The following ATP8B1 variants were observed in gnomAD, a reference collection of about 807,000 sequenced individuals.
ATP8B1 encodes the protein ATPase phospholipid transporting 8B1.
In ATP8B1, 80 loss-of-function variants were observed where a neutral mutation model predicts 149.9. The observed-to-expected ratio is 0.53, with a 90% CI of 0.45 to 0.64. The LOEUF (loss-of-function observed/expected upper bound fraction) is 0.64. Among genes scored for constraint, ATP8B1 ranks in the 30% least tolerant of loss-of-function variants. The probability of loss-of-function intolerance (pLI) is 0.00; values close to 1 mark genes in which losing one functional copy is unlikely to be tolerated. For synonymous variants in ATP8B1, 536 were observed against 562.8 expected (o/e 0.95, Z 0.67); for missense variants, 1,247 against 1,552.6 (o/e 0.80, Z 3.31).
chr18:57,720,900 G>A (rs962541040), intron 2 of ATP8B1, among the ~76,000 whole-genome samples: 63 of 151,202 alleles, frequency 4.2e-4, no homozygotes, highest in African/African-American at 1.4e-3. Context: ...CGGATCTCTC[G>A]GCAGAAACCC....
chr18:57,676,389 C>T (rs1911587821), intron 15 of ATP8B1, among the ~76,000 whole-genome samples: 1 of 150,714 alleles, frequency 6.6e-6, no homozygotes, highest in South Asian at 2.1e-4. Flanking sequence ...TTTTCTTTAC[C>T]ATAGCTATAT....
Position 57,701,198 on chromosome 18 carries a change from G to T in ATP8B1, c.492+17C>A. On this transcript the variant is annotated intron_variant, in intron 5 of 27. Transcript: ENST00000648908. ...AACTCAAAGCAATGAGTAGAACGTT[G>T]TATGAGAAATCCTCACCACATCGTC... 6.2e-7 allele frequency: 1 copy of T among 1,613,500 alleles called. No homozygotes were observed. The highest frequency in any genetic ancestry group is 1.3e-5 in the African/African-American group (1 of 75,036).
chr18:57,712,344 A>G (rs1913730150), intron 2 of ATP8B1, among the ~76,000 whole-genome samples: 2 of 152,068 alleles, frequency 1.3e-5, no homozygotes, highest in African/African-American at 4.8e-5. Flanking sequence ...TGGGAGAGGG[A>G]CAGTGCAGCG....
chr18:57,657,524 A>G (rs535156135), intron 22 of ATP8B1, among the ~76,000 whole-genome samples: 31 of 152,340 alleles, frequency 2.0e-4, no homozygotes, highest in African/African-American at 7.5e-4. Context: ...TACAGAACAC[A>G]AGGTCTGGCA....
chr18:57,714,401 T>C (rs1426996020), intron 2 of ATP8B1, among the ~76,000 whole-genome samples: 1 of 152,120 alleles, frequency 6.6e-6, no homozygotes, highest in Non-Finnish European at 1.5e-5. Context: ...CAACAGGGCA[T>C]TGAGGGAACA....
chr18:57,674,987 C>G lies in ATP8B1; in HGVS notation c.1666G>C (p.Gly556Arg), dbSNP rs773633682. 6.2e-7 allele frequency: 1 copy of G among 1,614,178 alleles called. No homozygotes were observed. The highest frequency in any genetic ancestry group is 1.1e-5 in the South Asian group (1 of 91,078). ...TTCCTGGCAGCGTTTACCAGGGCAC[C>G]TTCATCGGGAGAGGCTGCCTGGTAG... ...LNYQAASPDE[G>R]ALVNAARNFG... is the part of the protein sequence containing the mutation. The change falls in exon 16 of 28, where the codon GGT (glycine) becomes CGT (arginine). Residue 556 changes from glycine (G) to arginine (R), a missense_variant. Physicochemically the swap from Gly to Arg is moderately radical, Grantham distance 125. Around this residue, in one of 3 missense-constraint regions of ATP8B1, gnomAD observed 853 missense variants for 1,035.7 expected, o/e 0.82. Coordinates refer to ENST00000648908, the MANE Select transcript of ATP8B1 (RefSeq NM_001374385.1).
chr18:57,650,294 A>T (rs1432167164), intron 27 of ATP8B1, 73 bp downstream of exon 27: 16 of 1,571,080 alleles, frequency 1.0e-5, no homozygotes, highest in Non-Finnish European at 1.4e-5. Flanking sequence ...AGAATTTTGC[A>T]GGAAACGTGC....
intron 15 of ATP8B1, among the ~76,000 whole-genome samples, chr18:57,683,479 C>G (rs980127628): frequency 1.3e-5 from 2 of 152,228 alleles, no homozygotes; most frequent in Non-Finnish European, 1.5e-5. Flanking sequence ...AAGGAACCTA[C>G]AAGCCATTCT....
chr18:57,653,388 G>A (rs1002029103), intron 24 of ATP8B1, among the ~76,000 whole-genome samples: 2 of 148,800 alleles, frequency 1.3e-5, no homozygotes, highest in East Asian at 2.0e-4. Flanking sequence ...AGGCTCAAGC[G>A]ATCCTCCCAC....
At chr18:57,775,177 C>T (rs556835951) in intron 1 of ATP8B1, among the ~76,000 whole-genome samples, 4 of 152,060 alleles carry the variant, frequency 2.6e-5, no homozygotes, top group Non-Finnish European at 5.9e-5. Flanking sequence ...AGTAGTTGGG[C>T]GTGGTGGCAT....
chr18:57,783,734 G>A (rs540296662), intron 1 of ATP8B1, among the ~76,000 whole-genome samples: 119 of 152,260 alleles, frequency 7.8e-4, no homozygotes, highest in Non-Finnish European at 1.4e-3. Context: ...TACTCAGGTG[G>A]CTGAGGCAGG....
intron 1 of ATP8B1, among the ~76,000 whole-genome samples, chr18:57,798,412 C>CAA (rs71807937): frequency 0.29 from 39,416 of 134,622 alleles, 5,783 homozygotes; most frequent in East Asian, 0.54. Context: ...CCTGTCTCTA[C>CAA]AAAAAAAAAA....
At chr18:57,676,717 C>CAAAAAAAAAAAAAAAA (rs58101846) in intron 15 of ATP8B1, among the ~76,000 whole-genome samples, 5 of 92,216 alleles carry the variant, frequency 5.4e-5, no homozygotes, top group African/African-American at 1.7e-4. Context: ...GACTCCATTT[C>CAAAAAAAAAAAAAAAA]AAAAAAAAAA....
chr18:57,738,699 T>G (rs1056332231), intron 1 of ATP8B1, among the ~76,000 whole-genome samples: 1 of 151,616 alleles, frequency 6.6e-6, no homozygotes, highest in East Asian at 2.0e-4. Flanking sequence ...CCTCAAATAC[T>G]CCTCCAATTC....
intron 1 of ATP8B1, among the ~76,000 whole-genome samples, chr18:57,758,074 A>T (rs1017581441): frequency 6.6e-6 from 1 of 152,020 alleles, no homozygotes; most frequent in African/African-American, 2.4e-5. Context: ...AGGCGGGAGG[A>T]TCATTTGGTC....
intron 2 of ATP8B1, among the ~76,000 whole-genome samples, chr18:57,709,322 T>G (rs319407): frequency 0.51 from 76,808 of 152,080 alleles, 20,224 homozygotes; most frequent in African/African-American, 0.56. Context: ...TGGATTTGCT[T>G]GTACATTAAA....
intron 22 of ATP8B1, chr18:57,659,599 A>G (rs1250355990): frequency 6.6e-6 from 1 of 151,928 alleles, no homozygotes; most frequent in African/African-American, 2.4e-5. Flanking sequence ...TATGGAGGAA[A>G]GAGATAGATC....
intron 1 of ATP8B1, among the ~76,000 whole-genome samples, chr18:57,782,651 A>G (rs536353100): frequency 2.6e-4 from 40 of 152,230 alleles, no homozygotes; most frequent in African/African-American, 8.9e-4. Flanking sequence ...ACAGACAAAA[A>G]ATTCTTCAGT....
In ATP8B1 at chr18:57,648,623, C is replaced by T. The variant is rs749392240; in HGVS notation, c.3621G>A (p.Ser1207=). The T allele has an allele frequency of 2.4e-5, 38 of 1,607,056 alleles. No homozygotes were observed. In the East Asian group the frequency reaches 4.5e-4, roughly 19 times the overall value. ...VFRRGVSTRR[S]AYAFSHQRGY... is the part of the protein sequence containing the mutation. ...CCCGCTGGTGCGAGAAGGCGTAGGC[C>T]GAGCGCCGCGTTGACACGCCCCGGC... is the stretch of plus-strand genomic sequence containing the variant. Residue 1207 remains serine (S), a synonymous_variant, in exon 28 of 28, where the codon TCG becomes TCA. Coordinates refer to ENST00000648908, the MANE Select transcript of ATP8B1 (RefSeq NM_001374385.1).
Sources: allele counts gnomAD v4.1 joint callset (sites outside exome capture counted in the v4.1 genomes callset), GRCh38; gene constraint gnomAD v4.1.1; regional missense constraint gnomAD v4.1.1; transcripts MANE v1.5; gene names NCBI Gene and HGNC (gene_info 2026-07-23, HGNC 2026-07-21).